Variants in HPSE2 observed in about 807,000 individuals in gnomAD.
The protein encoded by HPSE2 is inactive heparanase-2.
In HPSE2, 38 loss-of-function variants were observed where a neutral mutation model predicts 60.5. The observed-to-expected ratio is 0.63, with a 90% CI of 0.48 to 0.82. HPSE2 has a LOEUF of 0.82. HPSE2 is among the 40% of genes least tolerant of loss of function. The pLI is 0.00. For synonymous variants in HPSE2, 295 were observed against 293.2 expected (o/e 1.01, Z -0.06); for missense variants, 713 against 740.4 (o/e 0.96, Z 0.43).
At chr10:99,268,919 G>A in the HPSE2 span, among the ~76,000 whole-genome samples, 227 of 152,006 alleles carry the variant, frequency 1.5e-3, 1 homozygote, top group Non-Finnish European at 2.6e-3. Context: ...CTTTTGGGAG[G>A]CCGAGGCGGG....
chr10:98,879,223 T>C (rs984950270), intron 3 of HPSE2, among the ~76,000 whole-genome samples: 3 of 152,000 alleles, frequency 2.0e-5, no homozygotes, highest in Non-Finnish European at 4.4e-5. Flanking sequence ...TGGATGCAGA[T>C]AAAAGAAGCC....
At chr10:99,015,692 T>C (rs1387690939) in intron 3 of HPSE2, among the ~76,000 whole-genome samples, 3 of 151,962 alleles carry the variant, frequency 2.0e-5, no homozygotes, top group African/African-American at 4.8e-5. Flanking sequence ...AGGGGAGGGA[T>C]AGCATTAGGA....
At chr10:99,183,648 A>G (rs1342272716) in intron 2 of HPSE2, among the ~76,000 whole-genome samples, 1 of 152,156 alleles carries the variant, frequency 6.6e-6, no homozygotes, top group Non-Finnish European at 1.5e-5. Flanking sequence ...CATCTCCTCA[A>G]CTGCAGCACC....
intron 3 of HPSE2, among the ~76,000 whole-genome samples, chr10:98,891,411 C>G (rs1434635558): frequency 1.3e-5 from 2 of 151,982 alleles, no homozygotes; most frequent in South Asian, 2.1e-4. Context: ...AATTACATTA[C>G]CACTTGTTAA....
At chr10:99,120,599 G>T (rs778136124) in intron 3 of HPSE2, among the ~76,000 whole-genome samples, 1 of 151,824 alleles carries the variant, frequency 6.6e-6, no homozygotes, top group Non-Finnish European at 1.5e-5. Context: ...TCAGCCTCCT[G>T]AGTAGCTGGG....
intron 9 of HPSE2, among the ~76,000 whole-genome samples, chr10:98,587,704 T>C (rs1360998686): frequency 6.6e-6 from 1 of 152,162 alleles, no homozygotes; most frequent in Non-Finnish European, 1.5e-5. Flanking sequence ...TCTGAATCCC[T>C]ATAAACACTT....
chr10:98,700,444 G>T (rs111350925), intron 5 of HPSE2, among the ~76,000 whole-genome samples: 10 of 145,052 alleles, frequency 6.9e-5, no homozygotes, highest in East Asian at 4.2e-4. Flanking sequence ...TAGCCATATG[G>T]AGAAAGCTGA....
intron 6 of HPSE2, among the ~76,000 whole-genome samples, chr10:98,643,400 A>C (rs780289636): frequency 6.6e-6 from 1 of 152,170 alleles, no homozygotes; most frequent in East Asian, 1.9e-4. Context: ...ACAATAGGAG[A>C]CTGATTAATT....
intron 2 of HPSE2, among the ~76,000 whole-genome samples, chr10:99,153,169 T>G (rs1322118624): frequency 6.6e-6 from 1 of 152,006 alleles, no homozygotes; most frequent in Non-Finnish European, 1.5e-5. Flanking sequence ...GCAGCGAGGC[T>G]GGGGGAGGGG....
At chr10:98,520,506 C>G (rs963069556) in intron 9 of HPSE2, among the ~76,000 whole-genome samples, 1 of 152,096 alleles carries the variant, frequency 6.6e-6, no homozygotes, top group African/African-American at 2.4e-5. Flanking sequence ...CCACTAAACC[C>G]GTGGGGACAG....
chr10:98,764,276 A>T (rs1190238245), intron 3 of HPSE2, among the ~76,000 whole-genome samples: 1 of 152,198 alleles, frequency 6.6e-6, no homozygotes, highest in African/African-American at 2.4e-5. Flanking sequence ...AATAAATTCA[A>T]ATGGAACACT....
At chr10:99,056,801 T>C (rs746233503) in intron 3 of HPSE2, among the ~76,000 whole-genome samples, 2 of 152,160 alleles carry the variant, frequency 1.3e-5, no homozygotes, top group Non-Finnish European at 2.9e-5. Flanking sequence ...GATTTTATCA[T>C]AATCAAAACT....
At chr10:98,855,473 T>C (rs1952290471) in intron 3 of HPSE2, among the ~76,000 whole-genome samples, 1 of 152,072 alleles carries the variant, frequency 6.6e-6, no homozygotes, top group Admixed American at 6.6e-5. Flanking sequence ...TTTTGTCCTC[T>C]CTTAACTTTA....
intron 6 of HPSE2, among the ~76,000 whole-genome samples, chr10:98,653,081 A>G (rs1946961445): frequency 6.6e-6 from 1 of 152,132 alleles, no homozygotes; most frequent in Non-Finnish European, 1.5e-5. Context: ...TAATTCTTGG[A>G]GAATTAATCT....
At chr10:98,715,884 A>T (rs1589694255) in intron 5 of HPSE2, among the ~76,000 whole-genome samples, 1 of 151,990 alleles carries the variant, frequency 6.6e-6, no homozygotes. Flanking sequence ...AAATAAAACA[A>T]CAGGGATGTT....
At chr10:99,100,143 A>G (rs953516453) in intron 3 of HPSE2, among the ~76,000 whole-genome samples, 1 of 152,228 alleles carries the variant, frequency 6.6e-6, no homozygotes, top group African/African-American at 2.4e-5. Flanking sequence ...CTGGGTGGAG[A>G]ATGACTTTGA....
Position 99,058,201 on chromosome 10 carries a change from T to C in HPSE2, c.610+86037A>G, listed in dbSNP as rs112106910. Among the ~76,000 whole-genome samples, 430 of 152,300 alleles carry C rather than the reference T, an allele frequency of 2.8e-3. 4 individuals are homozygous for C. The highest frequency in any genetic ancestry group is 9.7e-3 in the African/African-American group (405 of 41,568). On this transcript the variant is annotated intron_variant, in intron 3 of 11. Coordinates refer to ENST00000370552, the MANE Select transcript of HPSE2 (RefSeq NM_021828.5). ...CAGCTGGAGCATCACACACACCATCTGGAATTTTTTAAATCTGCTTTCCCC... is the reference window on the plus strand; with the variant it reads ...CAGCTGGAGCATCACACACACCATCCGGAATTTTTTAAATCTGCTTTCCCC...
chr10:98,640,018 T>A (rs1341654573), intron 7 of HPSE2, among the ~76,000 whole-genome samples: 2 of 152,176 alleles, frequency 1.3e-5, no homozygotes, highest in Non-Finnish European at 2.9e-5. Flanking sequence ...ACAAATGAAT[T>A]AATGACAGAA....
At chr10:98,843,259 T>C (rs1201365803) in intron 3 of HPSE2, among the ~76,000 whole-genome samples, 1 of 152,262 alleles carries the variant, frequency 6.6e-6, no homozygotes, top group Non-Finnish European at 1.5e-5. Flanking sequence ...TGCGTTCTCA[T>C]CATTTAGCTC....
Sources: allele counts gnomAD v4.1 joint callset (sites outside exome capture counted in the v4.1 genomes callset), GRCh38; gene constraint gnomAD v4.1.1; transcripts MANE v1.5; gene names NCBI Gene and HGNC (gene_info 2026-07-23, HGNC 2026-07-21).